CSMD1: variants seen among roughly 807,000 people sequenced by gnomAD.
CSMD1 encodes the protein CUB and Sushi multiple domains 1.
Under a neutral mutation model 417.5 loss-of-function variants are expected in CSMD1, and 213 were observed. The ratio of observed to expected loss-of-function variants is 0.51; its 90% CI spans 0.46 to 0.57. The LOEUF (loss-of-function observed/expected upper bound fraction) is 0.57, where lower values mean the gene tolerates loss of function less well. Among genes scored for constraint, CSMD1 ranks in the 20% least tolerant of loss-of-function variants. The probability of loss-of-function intolerance (pLI) is 0.00; values close to 1 mark genes in which losing one functional copy is unlikely to be tolerated. For synonymous variants in CSMD1, 2,862 were observed against 1,736.8 expected, an observed-to-expected ratio of 1.65 and a Z score of -16.11; for missense variants, 6,923 against 4,529.7, an observed-to-expected ratio of 1.53 and a Z score of -15.17.
chr8:4,954,204 C>T (rs1337623188), intron 1 of CSMD1, among the ~76,000 whole-genome samples: 2 of 152,118 alleles, frequency 1.3e-5, no homozygotes, highest in African/African-American at 4.8e-5. Flanking sequence ...ATTATGTGTT[C>T]CCTAACCTCA....
intron 1 of CSMD1, among the ~76,000 whole-genome samples, chr8:4,776,206 T>C (rs533023066): frequency 6.6e-6 from 1 of 152,158 alleles, no homozygotes; most frequent in East Asian, 1.9e-4. Flanking sequence ...ATGGTCACTC[T>C]AGGAAGTATT....
intron 3 of CSMD1, among the ~76,000 whole-genome samples, chr8:4,223,792 C>T (rs533404197): frequency 1.3e-5 from 2 of 152,246 alleles, no homozygotes; most frequent in East Asian, 3.9e-4. Context: ...AATTAAAAAG[C>T]CCCTTGGCCA....
intron 3 of CSMD1, among the ~76,000 whole-genome samples, chr8:4,167,512 G>T (rs11136702): frequency 1.3e-5 from 2 of 151,900 alleles, no homozygotes; most frequent in African/African-American, 2.4e-5. Context: ...TTTCTAAAAT[G>T]TATGTAGCTA....
At chr8:4,036,412 C>A (rs538763829) in intron 3 of CSMD1, among the ~76,000 whole-genome samples, 2 of 152,192 alleles carry the variant, frequency 1.3e-5, no homozygotes, top group African/African-American at 4.8e-5. Flanking sequence ...TATTGACTTA[C>A]ATATTTCTGA....
chr8:4,131,482 C>G (rs972549125), intron 3 of CSMD1, among the ~76,000 whole-genome samples: 1 of 152,150 alleles, frequency 6.6e-6, no homozygotes, highest in Non-Finnish European at 1.5e-5. Flanking sequence ...AAGTTTGAAA[C>G]CAAATATTTT....
rs560989306 is a variant in CSMD1 at position 3,955,781 on chromosome 8, T to G, written c.818+42122A>C. On this transcript the variant is annotated intron_variant, in intron 5 of 69. Transcript: ENST00000635120. ...TACATAGAAACCCAGTGAATTAATA[T>G]CCCTTAGAAATCAATCATATCTCTG... Among the ~76,000 whole-genome samples the G allele has an allele frequency of 2.0e-5, 3 of 152,296 alleles. No individual in the cohort carries two copies. The South Asian group carries it at 6.2e-4, about 32-fold the overall frequency.
intron 5 of CSMD1, among the ~76,000 whole-genome samples, chr8:3,833,410 T>G (rs1473729548): frequency 6.6e-6 from 1 of 152,130 alleles, no homozygotes; most frequent in Non-Finnish European, 1.5e-5. Flanking sequence ...CCTTTTATAT[T>G]TTAATTTTGC....
At position 3,201,657 on chromosome 8, in the gene CSMD1, G is replaced by A. The variant is rs752176703; in HGVS notation, c.5053C>T (p.His1685Tyr). ...GAGCTGAGAAGTCTGGCCTGTGCAT[G>A]GGTTCCATCAAATAATTCTGCCAAA... ...NDLAELFDGT[H>Y]AQARLLSSLS... Residue 1685 changes from histidine to tyrosine, a missense_variant, in exon 32 of 70, where the codon CAT (histidine) becomes TAT (tyrosine). Physicochemically the swap from His to Tyr is moderately conservative, Grantham distance 83. Transcript: ENST00000635120. 5 of 1,606,580 alleles carry A rather than the reference G, an allele frequency of 3.1e-6. No individual in the cohort carries two copies. Among genetic ancestry groups the A allele is most frequent in the South Asian group, 2.2e-5 (2 of 89,054 alleles).
rs769926696 is a variant in CSMD1 at position 3,189,934 on chromosome 8, G to T, written c.5376C>A (p.Asn1792Lys). 2 of 1,587,748 alleles carry T rather than the reference G, an allele frequency of 1.3e-6. No homozygotes were observed. The highest frequency in any genetic ancestry group is 2.3e-5 in the East Asian group (1 of 43,566). ...CACCCACACAGCTGGGGATCGTGTC[G>T]TTCCACTGTGCCAAGGCGTTGGGCA... ...QSVPNALAQWNDTIPSCVVPC... is the reference protein window; with the variant it reads ...QSVPNALAQWKDTIPSCVVPC... The change falls in exon 34 of 70, where the codon AAC (asparagine) becomes AAA (lysine). Residue 1792 changes from asparagine to lysine, a missense_variant. Coordinates refer to ENST00000635120, the MANE Select transcript of CSMD1 (RefSeq NM_033225.6).
chr8:4,937,402 A>G (rs997681375), intron 1 of CSMD1, among the ~76,000 whole-genome samples: 1 of 152,170 alleles, frequency 6.6e-6, no homozygotes, highest in Non-Finnish European at 1.5e-5. Context: ...GAAATATGAC[A>G]GGTTGAAGAA....
chr8:3,325,001 A>G (rs1806432858), intron 23 of CSMD1, among the ~76,000 whole-genome samples: 1 of 152,226 alleles, frequency 6.6e-6, no homozygotes, highest in Non-Finnish European at 1.5e-5. Context: ...CATTTGTTGT[A>G]GAAATACAAA....
intron 8 of CSMD1, among the ~76,000 whole-genome samples, chr8:3,595,757 A>G (rs1390828398): frequency 6.6e-6 from 1 of 152,200 alleles, no homozygotes; most frequent in Non-Finnish European, 1.5e-5. Flanking sequence ...TAAACCTGCC[A>G]TTTGCTAAAC....
At chr8:3,613,275 C>T in intron 8 of CSMD1, 1 of 420,216 alleles carries the variant, frequency 2.4e-6, no homozygotes, top group South Asian at 1.7e-5. Flanking sequence ...TAATTAAAAA[C>T]CTACTTGTAA....
At chr8:4,007,864 T>C (rs1160686647) in intron 4 of CSMD1, among the ~76,000 whole-genome samples, 1 of 152,136 alleles carries the variant, frequency 6.6e-6, no homozygotes, top group Admixed American at 6.5e-5. Context: ...AAAGTTTATT[T>C]AGTTATAGAG....
At chr8:3,161,512 G>A (rs1047985225) in intron 38 of CSMD1, among the ~76,000 whole-genome samples, 1 of 151,634 alleles carries the variant, frequency 6.6e-6, no homozygotes, top group African/African-American at 2.4e-5. Flanking sequence ...AGCTACTTGG[G>A]AGGCTGAGGC....
intron 3 of CSMD1, among the ~76,000 whole-genome samples, chr8:4,388,425 C>T (rs1352750230): frequency 6.6e-6 from 1 of 151,634 alleles, no homozygotes; most frequent in African/African-American, 2.4e-5. Context: ...ACATTGGAGA[C>T]TATTTTTCTA....
At chr8:3,932,003 G>C (rs1239241319) in intron 5 of CSMD1, among the ~76,000 whole-genome samples, 1 of 149,714 alleles carries the variant, frequency 6.7e-6, no homozygotes, top group Non-Finnish European at 1.5e-5. Context: ...AGAAATGGGG[G>C]AAAGGAGAAA....
chr8:4,399,884 TATC>T (rs1485267067), intron 3 of CSMD1, among the ~76,000 whole-genome samples: 3 of 152,136 alleles, frequency 2.0e-5, no homozygotes, highest in Non-Finnish European at 4.4e-5. Context: ...AAGTAGTAAA[TATC>T]ATCATTTTAA....
At chr8:3,188,809 T>G in intron 35 of CSMD1, 78 bp downstream of exon 35, 2 of 1,256,730 alleles carry the variant, frequency 1.6e-6, no homozygotes, top group Admixed American at 3.4e-5. Flanking sequence ...GAAAGAAACA[T>G]AGAACAAAAG....
Sources: allele counts gnomAD v4.1 joint callset (sites outside exome capture counted in the v4.1 genomes callset), GRCh38; gene constraint gnomAD v4.1.1; transcripts MANE v1.5; gene names NCBI Gene and HGNC (gene_info 2026-07-23, HGNC 2026-07-21).